The following TTL variants were observed in gnomAD, a reference collection of about 807,000 sequenced individuals.
The protein encoded by TTL is tubulin tyrosine ligase.
TTL carries 10 observed loss-of-function variants against 41.1 expected under a neutral mutation model. The ratio of observed to expected loss-of-function variants is 0.24; its 90% confidence interval spans 0.15 to 0.41. The LOEUF (loss-of-function observed/expected upper bound fraction) is 0.41, where lower values mean the gene tolerates loss of function less well. Ranked by LOEUF, TTL falls within the 10% of genes least tolerant of loss-of-function variation. The pLI is 1.00. For missense variants in TTL, 367 were observed against 460.4 expected (o/e 0.80, Z 1.86); for synonymous variants, 175 against 175.5 (o/e 1.00, Z 0.02).
chr2:112,503,203 G>T, intron 5 of TTL, 22 bp downstream of exon 5: 3 of 1,537,712 alleles, frequency 2.0e-6, no homozygotes, highest in South Asian at 1.2e-5. Context: ...GTATCTTTTT[G>T]GATTACGTGT....
Position 112,482,790 on chromosome 2 carries a change from G to C in TTL, c.157+289G>C, listed in dbSNP as rs1339274267. Among the ~76,000 whole-genome samples, 1 of 152,356 alleles carries C rather than the reference G, an allele frequency of 6.6e-6. No homozygotes were observed. The highest frequency in any genetic ancestry group is 1.9e-4 in the East Asian group (1 of 5,168). ...CCGGGAGACGCTGGCCGCCGGGGCTGGGACCTGAGGCGCGAGTCTAGCGGC... is the reference window on the plus strand; with the variant it reads ...CCGGGAGACGCTGGCCGCCGGGGCTCGGACCTGAGGCGCGAGTCTAGCGGC... On this transcript the variant is annotated intron_variant, in intron 1 of 6. Coordinates refer to ENST00000233336, the MANE Select transcript of TTL (RefSeq NM_153712.5). This position sits in a 1 kb window ranked among gnomAD's most constrained non-coding sequence, Gnocchi z 5.3.
At chr2:112,513,608 T>C (rs1359893687) in intron 5 of TTL, among the ~76,000 whole-genome samples, 1 of 148,750 alleles carries the variant, frequency 6.7e-6, no homozygotes, top group Non-Finnish European at 1.5e-5. Context: ...TTTATACAAG[T>C]ATAAGTATAA....
chr2:112,486,511 G>T (rs1014183183), intron 2 of TTL, among the ~76,000 whole-genome samples: 11 of 152,234 alleles, frequency 7.2e-5, no homozygotes, highest in African/African-American at 2.4e-4. Flanking sequence ...GGCATATATA[G>T]CCCGTAGCAT....
chr2:112,527,767 A>G (rs1383439208), intron 6 of TTL, among the ~76,000 whole-genome samples: 2 of 152,062 alleles, frequency 1.3e-5, no homozygotes, highest in Non-Finnish European at 1.5e-5. Flanking sequence ...TGTTTATCCA[A>G]TTTGCCAGTC....
rs903472190 is a variant in TTL at position 112,482,549 on chromosome 2, G to A, written c.157+48G>A. The A allele has an allele frequency of 6.5e-7, 1 of 1,531,224 alleles. No homozygotes were observed. The highest frequency in any genetic ancestry group is 8.8e-7 in the Non-Finnish European group (1 of 1,136,232). The allele number at this position is 1,531,224 out of a possible 1,614,324, so 94.9% of individuals were successfully genotyped here. A position where few individuals can be genotyped will look rare whatever the true frequency, so the allele number is the denominator to read the frequency against. ...TCTGCCCTCCTCGGAGCGGCCCTGC[G>A]CGCCTCCCGCGGCCCGTTAGAACCG... is the stretch of plus-strand genomic sequence containing the variant. On this transcript the variant is annotated intron_variant, in intron 1 of 6. Transcript: ENST00000233336. The surrounding 1 kb of genome is among the most constrained non-coding windows in gnomAD (Gnocchi z 5.3).
chr2:112,533,928 G>A lies in TTL; in HGVS notation c.*5133G>A, dbSNP rs1208131231. On this transcript the variant is annotated 3_prime_UTR_variant, in exon 7 of 7. Transcript: ENST00000233336. ...AAGCATAATTCCTTTCAAAAATTAT[G>A]AGAGGACATCAGTGGGCATAATAGA... 6 of 152,164 alleles carry A rather than the reference G, an allele frequency of 3.9e-5. No homozygotes were observed. Among genetic ancestry groups the A allele is most frequent in the African/African-American group, 1.2e-4 (5 of 41,450 alleles). 9.4% of individuals were successfully genotyped at this position (152,164 alleles called of 1,614,324 possible). A position where few individuals can be genotyped will look rare whatever the true frequency, so the allele number is the denominator to read the frequency against.
At chr2:112,515,775 G>A (rs1368930239) in intron 5 of TTL, among the ~76,000 whole-genome samples, 3 of 152,044 alleles carry the variant, frequency 2.0e-5, no homozygotes, top group East Asian at 1.9e-4. Context: ...GTGAAACCTC[G>A]TCTCTACTAA....
rs528517036 is a variant in TTL at position 112,513,229 on chromosome 2, A to C, written c.876-7053A>C. On this transcript the variant is annotated intron_variant, in intron 5 of 6. Coordinates refer to ENST00000233336, the MANE Select transcript of TTL (RefSeq NM_153712.5). ...TAGATTATCAGGTTGGATTATTTTT[A>C]AACTATAAAACCAAACTCTATACTG... 7.2e-5 allele frequency among the ~76,000 whole-genome samples: 11 copies of C among 152,220 alleles called. No homozygotes were observed. The South Asian group carries it at 2.3e-3, about 32-fold the overall frequency.
At chr2:112,499,584 G>A (rs1681636316) in intron 3 of TTL, among the ~76,000 whole-genome samples, 1 of 152,178 alleles carries the variant, frequency 6.6e-6, no homozygotes, top group Admixed American at 6.5e-5. Flanking sequence ...TCTTGAGCTT[G>A]ACTCCAAAAG....
At position 112,535,573 on chromosome 2, in the gene TTL, A is replaced by C. The variant is rs539640258; in HGVS notation, c.*6778A>C. ...GACAAGGAAACAGAAATGTTACACT[A>C]GAAAATATATAAGAAAAGAGAAGGA... On this transcript the variant is annotated 3_prime_UTR_variant, in exon 7 of 7. Coordinates refer to ENST00000233336, the MANE Select transcript of TTL (RefSeq NM_153712.5). 1 of 152,176 alleles carries C rather than the reference A, an allele frequency of 6.6e-6. No individual in the cohort carries two copies. The highest frequency in any genetic ancestry group is 2.1e-4 in the South Asian group (1 of 4,830). 9.4% of individuals were successfully genotyped at this position (152,176 alleles called of 1,614,324 possible).
In TTL at chr2:112,485,225, C is replaced by A. The variant is rs568983143; in HGVS notation, c.158-692C>A. Among the ~76,000 whole-genome samples the A allele has an allele frequency of 4.6e-5, 7 of 152,316 alleles. No individual in the cohort carries two copies. In the East Asian group the frequency reaches 1.3e-3, roughly 29 times the overall value. On this transcript the variant is annotated intron_variant, in intron 1 of 6. Coordinates refer to ENST00000233336, the MANE Select transcript of TTL (RefSeq NM_153712.5). ...TCAGCCTCCCAGAGTGCTGGGATAA[C>A]AGGCATGAGCCACTGTGTCTGGCTG...
intron 5 of TTL, among the ~76,000 whole-genome samples, chr2:112,515,877 G>A (rs536033447): frequency 7.2e-5 from 11 of 152,104 alleles, no homozygotes; most frequent in Admixed American, 3.9e-4. Flanking sequence ...AACCCCGGAG[G>A]TGGAGCTTGC....
chr2:112,519,341 T>C (rs1682158120), intron 5 of TTL, among the ~76,000 whole-genome samples: 1 of 152,208 alleles, frequency 6.6e-6, no homozygotes, highest in South Asian at 2.1e-4. Context: ...TGGTCTGACC[T>C]GAGACCTCAT....
intron 3 of TTL, among the ~76,000 whole-genome samples, chr2:112,500,216 A>T (rs1681652242): frequency 6.8e-6 from 1 of 146,208 alleles, no homozygotes; most frequent in South Asian, 2.2e-4. Context: ...AGGAGGGAGT[A>T]GTGAGTGACT....
At chr2:112,502,443 C>T (rs1000453765) in intron 4 of TTL, among the ~76,000 whole-genome samples, 4 of 151,934 alleles carry the variant, frequency 2.6e-5, no homozygotes, top group African/African-American at 9.7e-5. Flanking sequence ...TTGAGACCAG[C>T]CTGGCTAACA....
At position 112,482,522 on chromosome 2, in the gene TTL, C is replaced by G. The variant is rs376714743; in HGVS notation, c.157+21C>G. 29 of 1,580,422 alleles carry G rather than the reference C, an allele frequency of 1.8e-5. No individual in the cohort carries two copies. Among genetic ancestry groups the G allele is most frequent in the Non-Finnish European group, 2.4e-5 (28 of 1,161,860 alleles). Reference sequence around the variant, plus strand: ...ACTGGGTGAGCCCCTCCCCGATTCCCGTCTGCCCTCCTCGGAGCGGCCCTG... The same window carrying G: ...ACTGGGTGAGCCCCTCCCCGATTCCGGTCTGCCCTCCTCGGAGCGGCCCTG... On this transcript the variant is annotated intron_variant, in intron 1 of 6. Coordinates refer to ENST00000233336, the MANE Select transcript of TTL (RefSeq NM_153712.5). The surrounding 1 kb of genome is among the most constrained non-coding windows in gnomAD (Gnocchi z 5.3).
At chr2:112,490,745 G>T (rs1173442802) in intron 2 of TTL, among the ~76,000 whole-genome samples, 2 of 151,144 alleles carry the variant, frequency 1.3e-5, no homozygotes, top group African/African-American at 2.4e-5. Flanking sequence ...CTAGTTTTTT[G>T]TATTTTTAGT....
In TTL at chr2:112,540,770, T is replaced by A. The variant is rs1682709235; in HGVS notation, c.*11975T>A. 2 of 152,270 alleles carry A rather than the reference T, an allele frequency of 1.3e-5. No individual in the cohort carries two copies. Among genetic ancestry groups the A allele is most frequent in the African/African-American group, 4.8e-5 (2 of 41,474 alleles). 9.4% of individuals were successfully genotyped at this position (152,270 alleles called of 1,614,324 possible). On this transcript the variant is annotated 3_prime_UTR_variant, in exon 7 of 7. Coordinates refer to ENST00000233336, the MANE Select transcript of TTL (RefSeq NM_153712.5). Reference sequence around the variant, plus strand: ...TTTTAACAAATGGTGTTAGGACAACTGGATATCCACATGCAAAGGAATAAA... The same window carrying A: ...TTTTAACAAATGGTGTTAGGACAACAGGATATCCACATGCAAAGGAATAAA...
Position 112,485,793 on chromosome 2 carries a change from C to A in TTL, c.158-124C>A, listed in dbSNP as rs576599132. 37 of 872,808 alleles carry A rather than the reference C, an allele frequency of 4.2e-5. No homozygotes were observed. In the South Asian group the frequency reaches 5.3e-4, roughly 12 times the overall value. The allele number at this position is 872,808 out of a possible 1,614,324, so 54.1% of individuals were successfully genotyped here. Reference sequence around the variant, plus strand: ...CTGGGGACAGAGAAACAAAATTGTTCCATTTTCCATTTTCTAACAGCCAAT... The same window carrying A: ...CTGGGGACAGAGAAACAAAATTGTTACATTTTCCATTTTCTAACAGCCAAT... On this transcript the variant is annotated intron_variant, in intron 1 of 6. Coordinates refer to ENST00000233336, the MANE Select transcript of TTL (RefSeq NM_153712.5).
Sources: gnomAD v4.1 joint callset for allele counts (sites outside exome capture counted in the v4.1 genomes callset) on GRCh38, gnomAD v4.1.1 for gene constraint, Gnocchi (gnomAD v3.1) non-coding constraint, MANE v1.5 for transcripts, NCBI Gene and HGNC (gene_info 2026-07-23, HGNC 2026-07-21) for gene names.